The following ZSWIM6 variants were observed in gnomAD, a reference collection of about 807,000 sequenced individuals.
ZSWIM6 encodes zinc finger SWIM-type containing 6, also known as zinc finger SWIM domain-containing protein 6.
ZSWIM6 carries 9 observed loss-of-function variants against 113.2 expected under a neutral mutation model. That is an observed-to-expected ratio of 0.08 (90% CI 0.05 to 0.14). The LOEUF is 0.14. Among genes scored for constraint, ZSWIM6 ranks in the 10% least tolerant of loss-of-function variants. The pLI is 1.00. For synonymous variants in ZSWIM6, 611 were observed against 606.5 expected (o/e 1.01, Z -0.11); for missense variants, 1,162 against 1,552.2 (o/e 0.75, Z 4.22).
At chr5:61,398,321 G>A (rs1745880935) in intron 1 of ZSWIM6, among the ~76,000 whole-genome samples, 1 of 152,166 alleles carries the variant, frequency 6.6e-6, no homozygotes, top group African/African-American at 2.4e-5. Flanking sequence ...AGGGATCTAG[G>A]TTGCACACTC....
intron 1 of ZSWIM6, among the ~76,000 whole-genome samples, chr5:61,374,621 T>C (rs1023846538): frequency 1.3e-5 from 2 of 152,218 alleles, no homozygotes; most frequent in Non-Finnish European, 2.9e-5. Flanking sequence ...TGGCCCGATC[T>C]CGGCTTACTG....
At chr5:61,492,894 C>G (rs946584267) in intron 3 of ZSWIM6, among the ~76,000 whole-genome samples, 3 of 152,016 alleles carry the variant, frequency 2.0e-5, no homozygotes, top group Non-Finnish European at 4.4e-5. Flanking sequence ...CATAGAGAGT[C>G]CTGAAAGAAG....
intron 2 of ZSWIM6, among the ~76,000 whole-genome samples, chr5:61,489,379 A>G (rs933891821): frequency 1.3e-5 from 2 of 152,036 alleles, no homozygotes; most frequent in African/African-American, 4.8e-5. Context: ...ATTTATATAT[A>G]TGATTATTAG....
At chr5:61,480,831 C>T (rs1323687312) in intron 2 of ZSWIM6, among the ~76,000 whole-genome samples, 3 of 152,024 alleles carry the variant, frequency 2.0e-5, no homozygotes, top group South Asian at 2.1e-4. Flanking sequence ...GGATTTTGCC[C>T]GTAAGACAGG....
At chr5:61,537,469 C>T (rs917651738) in intron 10 of ZSWIM6, among the ~76,000 whole-genome samples, 3 of 152,188 alleles carry the variant, frequency 2.0e-5, no homozygotes, top group East Asian at 3.9e-4. Flanking sequence ...ATCTTCAGCA[C>T]TCATTTTCTC....
intron 1 of ZSWIM6, among the ~76,000 whole-genome samples, chr5:61,367,448 A>G (rs1246320515): frequency 6.6e-6 from 1 of 152,056 alleles, no homozygotes; most frequent in Non-Finnish European, 1.5e-5. Flanking sequence ...GAGATGGGGT[A>G]TCACTCTATT....
chr5:61,365,925 C>CT (rs901614535), intron 1 of ZSWIM6, among the ~76,000 whole-genome samples: 28 of 151,500 alleles, frequency 1.8e-4, no homozygotes, highest in South Asian at 2.1e-4. Flanking sequence ...TATCAGGTGT[C>CT]TTTTTTTTTA....
intron 1 of ZSWIM6, among the ~76,000 whole-genome samples, chr5:61,383,506 T>A (rs929646313): frequency 6.6e-6 from 1 of 152,204 alleles, no homozygotes; most frequent in Admixed American, 6.5e-5. Flanking sequence ...TATTTCTTAT[T>A]CTAATCTGGT....
chr5:61,464,337 ATCAT>A (rs1019337425), intron 1 of ZSWIM6, among the ~76,000 whole-genome samples: 5 of 151,718 alleles, frequency 3.3e-5, no homozygotes, highest in Non-Finnish European at 7.4e-5. Flanking sequence ...ATCTTTTAAA[ATCAT>A]TTATGTGTTG....
chr5:61,528,579 A>G (rs13188685), intron 7 of ZSWIM6, among the ~76,000 whole-genome samples: 57,990 of 150,602 alleles, frequency 0.39, 11,270 homozygotes, highest in South Asian at 0.45. Flanking sequence ...ATTGTGCCAA[A>G]CCGTTTTTCC....
At chr5:61,452,015 A>C (rs1430822534) in intron 1 of ZSWIM6, among the ~76,000 whole-genome samples, 18 of 152,284 alleles carry the variant, frequency 1.2e-4, no homozygotes, top group Admixed American at 9.2e-4. Flanking sequence ...CAACCTTAAC[A>C]ATGTAAGGTT....
intron 2 of ZSWIM6, among the ~76,000 whole-genome samples, chr5:61,480,668 C>A (rs960692716): frequency 2.0e-5 from 3 of 152,136 alleles, no homozygotes; most frequent in Admixed American, 2.0e-4. Flanking sequence ...AAACTTAAAT[C>A]TTTTCTAAAA....
chr5:61,375,442 A>G (rs1280140749), intron 1 of ZSWIM6: 23 of 1,525,416 alleles, frequency 1.5e-5, no homozygotes, highest in Non-Finnish European at 2.0e-5. Context: ...TTCTTCATCA[A>G]GCTCTGATTC....
intron 1 of ZSWIM6, among the ~76,000 whole-genome samples, chr5:61,431,617 C>T (rs1015567955): frequency 6.1e-5 from 9 of 146,788 alleles, no homozygotes; most frequent in Admixed American, 5.5e-4. Context: ...TGGTGGTGGG[C>T]GCCTGTAGTC....
chr5:61,525,905 A>G lies in ZSWIM6; in HGVS notation c.1619A>G (p.Tyr540Cys). Residue 540 changes from tyrosine to cysteine, a missense_variant, in exon 6 of 14, where the codon TAC (tyrosine) becomes TGC (cysteine). Tyr to Cys is a radical substitution (Grantham distance 194). Transcript: ENST00000252744. ...HLQHIISSDL[Y>C]TNYCYHDDTE... The stretch of plus-strand genomic sequence containing the variant: ...CAGCACATTATCAGCAGTGACCTAT[A>G]CACCAACTACTGTTACCATGACGAC... 1 of 1,552,124 alleles carries G rather than the reference A, an allele frequency of 6.4e-7. No individual in the cohort carries two copies.
At chr5:61,393,381 C>G (rs549492909) in intron 1 of ZSWIM6, among the ~76,000 whole-genome samples, 1 of 152,106 alleles carries the variant, frequency 6.6e-6, no homozygotes, top group Non-Finnish European at 1.5e-5. Context: ...CAGTTTTTCA[C>G]TATTATGAAC....
chr5:61,475,358 A>G (rs1747683115), intron 2 of ZSWIM6, among the ~76,000 whole-genome samples: 1 of 152,200 alleles, frequency 6.6e-6, no homozygotes, highest in Admixed American at 6.5e-5. Context: ...TTCTTATCAG[A>G]AAGATTTTTC....
intron 1 of ZSWIM6, among the ~76,000 whole-genome samples, chr5:61,362,291 C>T (rs1049072144): frequency 3.3e-5 from 5 of 151,916 alleles, no homozygotes; most frequent in East Asian, 1.9e-4. Flanking sequence ...CTCTGCCTCC[C>T]GGATTCAAGC....
At chr5:61,513,577 T>G (rs534891471) in intron 4 of ZSWIM6, among the ~76,000 whole-genome samples, 1 of 152,280 alleles carries the variant, frequency 6.6e-6, no homozygotes, top group Admixed American at 6.5e-5. Context: ...GATTTTCTCC[T>G]AAACTTTTTT....
Sources: allele counts gnomAD v4.1 joint callset (sites outside exome capture counted in the v4.1 genomes callset), GRCh38; gene constraint gnomAD v4.1.1; transcripts MANE v1.5; gene names NCBI Gene and HGNC (gene_info 2026-07-23, HGNC 2026-07-21).